RAP1GAP: variants seen among roughly 807,000 people sequenced by gnomAD.
RAP1GAP encodes the protein RAP1 GTPase activating protein, also known as rap1 GTPase-activating protein 1.
In RAP1GAP, 35 loss-of-function variants were observed where a neutral mutation model predicts 87.2. The ratio of observed to expected loss-of-function variants is 0.40; its 90% CI spans 0.31 to 0.53. RAP1GAP has a LOEUF of 0.53. RAP1GAP is among the 20% of genes least tolerant of loss of function. The pLI is 0.48. For missense variants in RAP1GAP, 734 were observed against 898.9 expected (o/e 0.82, Z 2.35); for synonymous variants, 375 against 363.9 (o/e 1.03, Z -0.35).
intron 1 of RAP1GAP, among the ~76,000 whole-genome samples, chr1:21,655,927 A>G (rs1027930658): frequency 6.6e-6 from 1 of 152,150 alleles, no homozygotes; most frequent in Non-Finnish European, 1.5e-5. Flanking sequence ...GGTGGAGCCA[A>G]CACTTGCCAG....
intron 11 of RAP1GAP, 28 bp downstream of exon 11, chr1:21,611,998 A>AG: frequency 6.6e-7 from 1 of 1,516,652 alleles, no homozygotes. Flanking sequence ...CCAGGTGGGG[A>AG]GGGGCGGCAG....
At chr1:21,651,620 G>T in intron 1 of RAP1GAP, 2 of 752,936 alleles carry the variant, frequency 2.7e-6, no homozygotes, top group Non-Finnish European at 4.6e-6. Context: ...GCCACAGCAC[G>T]ACAGCCATGC....
At chr1:21,601,499 G>A (rs1365794421) in intron 20 of RAP1GAP, among the ~76,000 whole-genome samples, 185 bp downstream of exon 20, 1 of 152,232 alleles carries the variant, frequency 6.6e-6, no homozygotes, top group Non-Finnish European at 1.5e-5. Flanking sequence ...CGGGCGCGGG[G>A]CTGGGCGTGC....
Position 21,613,776 on chromosome 1 carries a change from A to G in RAP1GAP, c.396-70T>C, listed in dbSNP as rs2080046795. 1 of 1,451,486 alleles carries G rather than the reference A, an allele frequency of 6.9e-7. No homozygotes were observed. Among genetic ancestry groups the G allele is most frequent in the Admixed American group, 1.7e-5 (1 of 59,582 alleles). 89.9% of individuals were successfully genotyped at this position (1,451,486 alleles called of 1,614,324 possible). A position where few individuals can be genotyped will look rare whatever the true frequency, so the allele number is the denominator to read the frequency against. ...GGAAAATGGGAACCCCACCCCCCAC[A>G]AAGTAAGGCCAGAAGGGGGTGGACC... On this transcript the variant is annotated intron_variant, in intron 8 of 24. Transcript: ENST00000374765. This position sits in a 1 kb window ranked among gnomAD's most constrained non-coding sequence, Gnocchi z 4.7.
chr1:21,622,129 ACC>A lies in RAP1GAP; in HGVS notation c.-18-2081_-18-2080del, dbSNP rs2088362774. ...CGCTGCAGCCCAGAGCCACAGTGCC[ACC>A]CGGGAGGCCACAGCAAGAGCCCCAG... is the stretch of plus-strand genomic sequence containing the variant. On this transcript the variant is annotated intron_variant, in intron 3 of 24. Transcript: ENST00000374765. The surrounding 1 kb of genome is among the most constrained non-coding windows in gnomAD (Gnocchi z 5.7). 6.6e-6 allele frequency among the ~76,000 whole-genome samples: 1 copy of A among 152,102 alleles called. No individual in the cohort carries two copies. Among genetic ancestry groups the A allele is most frequent in the Non-Finnish European group, 1.5e-5 (1 of 67,996 alleles).
At chr1:21,666,088 G>A (rs1200960845) in intron 1 of RAP1GAP, among the ~76,000 whole-genome samples, 2 of 152,186 alleles carry the variant, frequency 1.3e-5, no homozygotes, top group African/African-American at 4.8e-5. Context: ...GGCAGGCTTG[G>A]TGTGAGTGCC....
intron 2 of RAP1GAP, among the ~76,000 whole-genome samples, chr1:21,644,042 A>G (rs896312991): frequency 6.6e-6 from 1 of 152,218 alleles, no homozygotes; most frequent in African/African-American, 2.4e-5. Flanking sequence ...AGAGTTGTGC[A>G]CAAGTGAGAT....
intron 3 of RAP1GAP, among the ~76,000 whole-genome samples, chr1:21,620,597 C>T (rs1423067874): frequency 6.6e-6 from 1 of 152,182 alleles, no homozygotes; most frequent in Non-Finnish European, 1.5e-5. Context: ...TACCCTCTCC[C>T]GGGTGAGCCA....
rs773682205 is a variant in RAP1GAP, at chr1:21,597,671, G to A, written c.*34+15C>T. 1.9e-6 allele frequency: 3 copies of A among 1,588,148 alleles called. No individual in the cohort carries two copies. The highest frequency in any genetic ancestry group is 2.2e-5 in the East Asian group (1 of 44,680). On this transcript the variant is annotated intron_variant, in intron 24 of 24. Transcript: ENST00000374765. ...CCCTCTCCCACCAAACACAAGCTGA[G>A]GGGCTGGGTCTAACCTGCTCAGTTT...
intron 19 of RAP1GAP, 22 bp from the exon 20 acceptor site, chr1:21,601,819 C>A (rs368825715): frequency 2.6e-6 from 4 of 1,537,340 alleles, no homozygotes; most frequent in South Asian, 2.3e-5. Context: ...ACGGGGGCAG[C>A]GGGGGGATTC....
chr1:21,630,497 C>T (rs1229370179), intron 2 of RAP1GAP, among the ~76,000 whole-genome samples: 1 of 151,810 alleles, frequency 6.6e-6, no homozygotes, highest in Non-Finnish European at 1.5e-5. Context: ...CTCAAGAGAT[C>T]CTCCCACCTC....
intron 1 of RAP1GAP, among the ~76,000 whole-genome samples, chr1:21,667,291 G>A (rs1571590555): frequency 6.6e-6 from 1 of 152,212 alleles, no homozygotes; most frequent in Non-Finnish European, 1.5e-5. Context: ...TGAGGCCTAA[G>A]TGGCAGAGAC....
At chr1:21,639,981 C>T (rs1029155326) in intron 2 of RAP1GAP, among the ~76,000 whole-genome samples, 1 of 152,186 alleles carries the variant, frequency 6.6e-6, no homozygotes, top group Non-Finnish European at 1.5e-5. Context: ...CCAATGGCTT[C>T]CCGCCGCAAG....
Position 21,622,105 on chromosome 1 carries a change from G to A in RAP1GAP, c.-18-2055C>T, listed in dbSNP as rs1426106296. ...AGCACGCACCCACACACACCCTGCC[G>A]CTGCAGCCCAGAGCCACAGTGCCAC... On this transcript the variant is annotated intron_variant, in intron 3 of 24. Transcript: ENST00000374765. This position sits in a 1 kb window ranked among gnomAD's most constrained non-coding sequence, Gnocchi z 5.7. Among the ~76,000 whole-genome samples the A allele has an allele frequency of 6.6e-6, 1 of 152,272 alleles. No individual in the cohort carries two copies. The highest frequency in any genetic ancestry group is 2.4e-5 in the African/African-American group (1 of 41,572).
chr1:21,650,249 C>G (rs2096455954), intron 1 of RAP1GAP, among the ~76,000 whole-genome samples: 1 of 152,102 alleles, frequency 6.6e-6, no homozygotes, highest in South Asian at 2.1e-4. Flanking sequence ...CTGCCTCAAT[C>G]CTGAAGCTGT....
chr1:21,650,168 C>G (rs374961360), intron 1 of RAP1GAP, among the ~76,000 whole-genome samples: 1 of 151,944 alleles, frequency 6.6e-6, no homozygotes, highest in East Asian at 1.9e-4. Flanking sequence ...CCTTTCTAGG[C>G]AGGATGGAAG....
At chr1:21,643,299 C>T (rs1248761930) in intron 2 of RAP1GAP, among the ~76,000 whole-genome samples, 2 of 152,132 alleles carry the variant, frequency 1.3e-5, no homozygotes, top group Non-Finnish European at 2.9e-5. Flanking sequence ...GTGGCTCACG[C>T]CTGTAATCCT....
intron 2 of RAP1GAP, among the ~76,000 whole-genome samples, chr1:21,643,069 A>G (rs1029568167): frequency 1.3e-5 from 2 of 151,734 alleles, no homozygotes; most frequent in Non-Finnish European, 1.5e-5. Context: ...CTCTTTCCTT[A>G]TGACCCTCTC....
chr1:21,611,994 G>C (rs1017329149), intron 11 of RAP1GAP, 32 bp downstream of exon 11: 13 of 1,511,890 alleles, frequency 8.6e-6, no homozygotes, highest in South Asian at 5.9e-5. Flanking sequence ...GGGGCCAGGT[G>C]GGGAGGGGCG....
Sources: gnomAD v4.1 joint callset for allele counts (sites outside exome capture counted in the v4.1 genomes callset) on GRCh38, gnomAD v4.1.1 for gene constraint, Gnocchi (gnomAD v3.1) non-coding constraint, MANE v1.5 for transcripts, NCBI Gene and HGNC (gene_info 2026-07-23, HGNC 2026-07-21) for gene names.